The following ADGRG7 variants were observed in gnomAD, a reference collection of about 807,000 sequenced individuals.
ADGRG7 encodes adhesion G protein-coupled receptor G7, also known as G-protein coupled receptor 128.
A neutral mutation model predicts 88.6 loss-of-function variants in ADGRG7; 82 were observed. The observed-to-expected ratio is 0.93, with a 90% confidence interval of 0.77 to 1.11. The LOEUF (loss-of-function observed/expected upper bound fraction) is 1.11. Among genes scored for constraint, ADGRG7 ranks in the 50% most tolerant of loss-of-function variants. ADGRG7 has a pLI of 0.00. For synonymous variants in ADGRG7, 381 were observed against 345.2 expected, an observed-to-expected ratio of 1.10 and a Z score of -1.15; for missense variants, 945 against 953.4, an observed-to-expected ratio of 0.99 and a Z score of 0.12.
intron 6 of ADGRG7, among the ~76,000 whole-genome samples, chr3:100,639,164 T>G (rs1363294780): frequency 2.0e-5 from 3 of 152,176 alleles, no homozygotes; most frequent in African/African-American, 7.2e-5. Flanking sequence ...TATACACATC[T>G]ACATCATAAT....
chr3:100,610,808 G>T (rs1246617873), intron 1 of ADGRG7, among the ~76,000 whole-genome samples: 1 of 152,176 alleles, frequency 6.6e-6, no homozygotes, highest in Admixed American at 6.5e-5. Flanking sequence ...AAATAATGCC[G>T]ATCGGGAAAG....
At chr3:100,640,056 T>G (rs1307150250) in intron 6 of ADGRG7, among the ~76,000 whole-genome samples, 1 of 152,194 alleles carries the variant, frequency 6.6e-6, no homozygotes, top group African/African-American at 2.4e-5. Flanking sequence ...CTCAGATCCT[T>G]CCTTCATTCA....
At chr3:100,690,954 C>T (rs142792739) in intron 15 of ADGRG7, among the ~76,000 whole-genome samples, 17 of 152,214 alleles carry the variant, frequency 1.1e-4, no homozygotes, top group Admixed American at 2.0e-4. Flanking sequence ...TGTGCCCTGT[C>T]CCCAGAGGTG....
intron 15 of ADGRG7, among the ~76,000 whole-genome samples, chr3:100,681,220 C>T (rs1229863004): frequency 6.7e-6 from 1 of 149,580 alleles, no homozygotes; most frequent in Non-Finnish European, 1.5e-5. Flanking sequence ...TTTTTTTTAA[C>T]CTTTTTAGTT....
In ADGRG7 at chr3:100,655,029, T is replaced by C. The variant is rs778074294; in HGVS notation, c.1574T>C (p.Met525Thr). 2 of 1,614,160 alleles carry C rather than the reference T, an allele frequency of 1.2e-6. No homozygotes were observed. Among genetic ancestry groups the C allele is most frequent in the Admixed American group, 1.7e-5 (1 of 60,030 alleles). The change falls in exon 12 of 16, where the codon ATG becomes ACG. Residue 525 changes from methionine to threonine, a missense_variant. Transcript: ENST00000273352. ...GACACCATTAACATCCCGAATCCCA[T>C]GTGCACTGCGATTGCCGCCTTACTG... is the stretch of plus-strand genomic sequence containing the variant. ...RTDTINIPNP[M>T]CTAIAALLHY...
At chr3:100,683,215 C>A (rs993140540) in intron 15 of ADGRG7, among the ~76,000 whole-genome samples, 8 of 152,154 alleles carry the variant, frequency 5.3e-5, no homozygotes, top group Non-Finnish European at 1.2e-4. Flanking sequence ...AACTAGGGAC[C>A]CACCAGAACG....
intron 4 of ADGRG7, among the ~76,000 whole-genome samples, chr3:100,635,207 T>C (rs1436012277): frequency 7.5e-6 from 1 of 133,840 alleles, no homozygotes; most frequent in Non-Finnish European, 1.6e-5. Flanking sequence ...TTGAACCCAT[T>C]GCACACCAAT....
At chr3:100,648,995 G>T (rs947980364) in intron 10 of ADGRG7, among the ~76,000 whole-genome samples, 4 of 152,048 alleles carry the variant, frequency 2.6e-5, no homozygotes, top group African/African-American at 9.7e-5. Context: ...AAAATTAACA[G>T]GGTATGAGCA....
At chr3:100,688,772 T>C (rs1345247427) in intron 15 of ADGRG7, among the ~76,000 whole-genome samples, 2 of 152,168 alleles carry the variant, frequency 1.3e-5, no homozygotes, top group African/African-American at 4.8e-5. Flanking sequence ...TCTTTTACAT[T>C]TGCTGAGGAG....
rs748868553 is a variant in ADGRG7, at chr3:100,630,704, G to A, written c.230-1G>A. 3.0e-6 allele frequency: 4 copies of A among 1,353,246 alleles called. No homozygotes were observed. The highest frequency in any genetic ancestry group is 3.9e-6 in the Non-Finnish European group (4 of 1,028,926). 83.8% of individuals were successfully genotyped at this position (1,353,246 alleles called of 1,614,324 possible). On this transcript the variant is annotated splice_acceptor_variant, in intron 2 of 15. Transcript: ENST00000273352. LOFTEE classifies it high-confidence loss of function. ...TAAAGAACTTTTTCTCTTTATTACA[G>A]CTAATTTTTGTGAAAATAGTACCTA...
chr3:100,617,157 T>C (rs973555887), intron 1 of ADGRG7, among the ~76,000 whole-genome samples: 1 of 152,072 alleles, frequency 6.6e-6, no homozygotes. Context: ...ATTTAAAAGA[T>C]GTTTATAGAA....
At position 100,695,163 on chromosome 3, in the gene ADGRG7, G is replaced by T; in HGVS notation, c.*162G>T. ...TTGTTTATTATTATTCGGCATAATG[G>T]ACTTGGTAGTTTTTCTATTTTTCAA... On this transcript the variant is annotated 3_prime_UTR_variant, in exon 16 of 16. Transcript: ENST00000273352. 1.4e-6 allele frequency: 1 copy of T among 692,592 alleles called. No individual in the cohort carries two copies. Among genetic ancestry groups the T allele is most frequent in the Non-Finnish European group, 2.3e-6 (1 of 428,842 alleles). 42.9% of individuals were successfully genotyped at this position (692,592 alleles called of 1,614,324 possible). A position where few individuals can be genotyped will look rare whatever the true frequency, so the allele number is the denominator to read the frequency against.
chr3:100,686,852 G>C (rs4928078), intron 15 of ADGRG7, among the ~76,000 whole-genome samples: 1 of 151,678 alleles, frequency 6.6e-6, no homozygotes, highest in Non-Finnish European at 1.5e-5. Flanking sequence ...TTGACTTGGC[G>C]ATGCGGGCTC....
chr3:100,624,371 C>G (rs905601973), intron 1 of ADGRG7, among the ~76,000 whole-genome samples: 3 of 152,152 alleles, frequency 2.0e-5, no homozygotes, highest in African/African-American at 7.2e-5. Flanking sequence ...ATCCTCTGCC[C>G]ACTTTTTGAT....
In ADGRG7 at chr3:100,655,933, A is replaced by T. The variant is rs769365818; in HGVS notation, c.1761A>T (p.Gly587=). 20 of 1,607,278 alleles carry T rather than the reference A, an allele frequency of 1.2e-5. No homozygotes were observed. In the South Asian group the frequency reaches 2.2e-4, roughly 18 times the overall value. ...CTATAGTAGTGGCTATAACAGTGGG[A>T]GTTATTTATTCTCAGAATGGAAATA... ...VPAIVVAITV[G]VIYSQNGNNP... The change falls in exon 13 of 16, where the codon GGA becomes GGT. Residue 587 remains glycine, a synonymous_variant. Transcript: ENST00000273352.
chr3:100,650,047 G>A (rs1559679823), intron 11 of ADGRG7, among the ~76,000 whole-genome samples: 1 of 152,196 alleles, frequency 6.6e-6, no homozygotes, highest in African/African-American at 2.4e-5. Context: ...AGTTTGTCAT[G>A]TAAAATTTAT....
chr3:100,653,608 AAC>A (rs1242506229), intron 11 of ADGRG7, among the ~76,000 whole-genome samples: 13 of 152,324 alleles, frequency 8.5e-5, no homozygotes, highest in African/African-American at 2.4e-4. Context: ...AGTGGATAGA[AAC>A]ACATATTATT....
At chr3:100,664,378 C>T (rs2094949306) in intron 14 of ADGRG7, among the ~76,000 whole-genome samples, 1 of 152,018 alleles carries the variant, frequency 6.6e-6, no homozygotes, top group South Asian at 2.1e-4. Context: ...TTATTACAAC[C>T]CACCAATTTC....
At chr3:100,687,868 G>T (rs1450489934) in intron 15 of ADGRG7, among the ~76,000 whole-genome samples, 6 of 152,110 alleles carry the variant, frequency 3.9e-5, no homozygotes, top group African/African-American at 1.2e-4. Context: ...CCAGGCTTTG[G>T]TATCAGGATG....
Sources: gnomAD v4.1 joint callset for allele counts (sites outside exome capture counted in the v4.1 genomes callset) on GRCh38, gnomAD v4.1.1 for gene constraint, MANE v1.5 for transcripts, NCBI Gene and HGNC (gene_info 2026-07-23, HGNC 2026-07-21) for gene names.